The following UACA variants were observed in gnomAD, a reference collection of about 807,000 sequenced individuals.
UACA encodes the protein nuclear membrane binding protein.
In UACA, 112 loss-of-function variants were observed where a neutral mutation model predicts 160.5. That is an observed-to-expected ratio of 0.70 (90% CI 0.60 to 0.82). UACA has a LOEUF of 0.82. Among genes scored for constraint, UACA ranks in the 40% least tolerant of loss-of-function variants. UACA has a pLI of 0.00. For missense variants in UACA, 1,574 were observed against 1,614.6 expected, an observed-to-expected ratio of 0.97 and a Z score of 0.43; for synonymous variants, 557 against 568.4, an observed-to-expected ratio of 0.98 and a Z score of 0.29.
chr15:70,697,743 T>C (rs112473228), intron 2 of UACA, among the ~76,000 whole-genome samples: 1 of 152,222 alleles, frequency 6.6e-6, no homozygotes, highest in Non-Finnish European at 1.5e-5. Context: ...CTTTATTCTA[T>C]GAATCCTAGA....
At chr15:70,671,702 T>C (rs1326231037) in intron 14 of UACA, 1 of 264,666 alleles carries the variant, frequency 3.8e-6, no homozygotes, top group Admixed American at 5.3e-5. Context: ...TGTCTACTAA[T>C]CAACAAGGCA....
chr15:70,659,395 G>GTTTTTTGTTTTTTTTTTTTTTTTTTT (rs1896607591), intron 18 of UACA, among the ~76,000 whole-genome samples: 1 of 18,818 alleles, frequency 5.3e-5, no homozygotes, highest in Non-Finnish European at 9.6e-5. Context: ...TTTTTTGTTT[G>GTTTTTTGTTTTTTTTTTTTTTTTTTT]TTTTTTTTTT....
intron 1 of UACA, among the ~76,000 whole-genome samples, chr15:70,704,366 C>CAG (rs1203504120): frequency 6.6e-6 from 1 of 152,178 alleles, no homozygotes; most frequent in African/African-American, 2.4e-5. Context: ...ATGAGTGGTT[C>CAG]AGCTGATTGC....
intron 1 of UACA, among the ~76,000 whole-genome samples, chr15:70,747,405 T>C (rs1899744230): frequency 6.6e-6 from 1 of 152,134 alleles, no homozygotes; most frequent in South Asian, 2.1e-4. Context: ...GGTCTTGCTC[T>C]ATCGCCCAGG....
chr15:70,671,953 T>G lies in UACA; in HGVS notation c.1168+12A>C, dbSNP rs781352755. 5 of 1,594,170 alleles carry G rather than the reference T, an allele frequency of 3.1e-6. No individual in the cohort carries two copies. The Admixed American group carries it at 5.2e-5, about 16-fold the overall frequency. Reference sequence around the variant, plus strand: ...GGTGAACTGTAATGATAATCCATACTTTTATACTTACGGTTACTGAAATGA... The same window carrying G: ...GGTGAACTGTAATGATAATCCATACGTTTATACTTACGGTTACTGAAATGA... On this transcript the variant is annotated intron_variant, in intron 14 of 18. Coordinates refer to ENST00000322954, the MANE Select transcript of UACA (RefSeq NM_018003.4).
At chr15:70,674,758 C>T (rs1897256106) in intron 13 of UACA, among the ~76,000 whole-genome samples, 1 of 152,122 alleles carries the variant, frequency 6.6e-6, no homozygotes, top group Admixed American at 6.6e-5. Context: ...CCACCACGCC[C>T]TGCTAATTTT....
In UACA at chr15:70,756,040, T is replaced by A. The variant is rs1483887197; in HGVS notation, c.78+7290A>T. ...TGTTAACATGCCATATTCATTTATT[T>A]TTTATATCTAGCTCTTAAAATTCTT... On this transcript the variant is annotated intron_variant, in intron 1 of 18. Coordinates refer to ENST00000322954, the MANE Select transcript of UACA (RefSeq NM_018003.4). Among the ~76,000 whole-genome samples, 2 of 152,368 alleles carry A rather than the reference T, an allele frequency of 1.3e-5. 1 individual carries two copies. The highest frequency in any genetic ancestry group is 1.3e-4 in the Admixed American group (2 of 15,306).
rs1566977576 is a variant in UACA, at chr15:70,690,548, T to A, written c.367-37A>T. The A allele has an allele frequency of 1.9e-6, 3 of 1,542,454 alleles. No individual in the cohort carries two copies. The East Asian group carries it at 6.8e-5, about 35-fold the overall frequency. On this transcript the variant is annotated intron_variant, in intron 4 of 18. Coordinates refer to ENST00000322954, the MANE Select transcript of UACA (RefSeq NM_018003.4). ...AAGAAAACTTAGTAAAGTAGGAGAG[T>A]TTTATTTTAAAATTAGATATCCAGA...
Position 70,666,998 on chromosome 15 carries a change from T to C in UACA, c.3686A>G (p.Tyr1229Cys), listed in dbSNP as rs1168032217. Residue 1229 changes from tyrosine to cysteine, a missense_variant, in exon 16 of 19, where the codon TAT (tyrosine) becomes TGT (cysteine). Transcript: ENST00000322954. The part of the protein sequence containing the change: ...ETREVVDLSK[Y>C]KATKSDLETQ... ...CTCCAAATCACTTTTTGTTGCTTTA[T>C]ATTTAGACAAGTCAACTACCTCTCT... 2 of 1,613,242 alleles carry C rather than the reference T, an allele frequency of 1.2e-6. No individual in the cohort carries two copies. Among genetic ancestry groups the C allele is most frequent in the Non-Finnish European group, 8.5e-7 (1 of 1,179,856 alleles).
intron 1 of UACA, among the ~76,000 whole-genome samples, chr15:70,747,874 T>G (rs1240052141): frequency 6.6e-6 from 1 of 152,138 alleles, no homozygotes; most frequent in Non-Finnish European, 1.5e-5. Flanking sequence ...ATAGAATAAT[T>G]TATGTCCCAG....
At chr15:70,755,024 C>T (rs1220540266) in intron 1 of UACA, among the ~76,000 whole-genome samples, 1 of 152,090 alleles carries the variant, frequency 6.6e-6, no homozygotes, top group Non-Finnish European at 1.5e-5. Flanking sequence ...GTGGAAATTT[C>T]AATAATATGC....
At chr15:70,765,545 G>A (rs543593707), upstream of UACA, among the ~76,000 whole-genome samples, 1 of 152,142 alleles carries the variant, frequency 6.6e-6, no homozygotes, top group African/African-American at 2.4e-5. Context: ...CATATGAGCT[G>A]AGCAAACCTT....
At chr15:70,666,701 C>A in intron 16 of UACA, 23 bp downstream of exon 16, 2 of 1,547,462 alleles carry the variant, frequency 1.3e-6, no homozygotes. Flanking sequence ...AACACATAGC[C>A]GTGCAGACTA....
At chr15:70,676,817 A>T (rs1258744097) in intron 12 of UACA, among the ~76,000 whole-genome samples, 1 of 152,232 alleles carries the variant, frequency 6.6e-6, no homozygotes, top group Non-Finnish European at 1.5e-5. Context: ...CTCTGTTTTC[A>T]ATCTTAATGT....
At chr15:70,743,465 A>G (rs529744545) in intron 1 of UACA, among the ~76,000 whole-genome samples, 19 of 152,262 alleles carry the variant, frequency 1.2e-4, no homozygotes, top group African/African-American at 4.6e-4. Flanking sequence ...CTGGATGTGT[A>G]TTTTTCACTG....
intron 13 of UACA, among the ~76,000 whole-genome samples, chr15:70,674,084 A>AC (rs1360540003): frequency 8.5e-5 from 13 of 152,134 alleles, no homozygotes; most frequent in Non-Finnish European, 1.8e-4. Context: ...CTGGTCTCGA[A>AC]CAACTGAGCT....
intron 1 of UACA, among the ~76,000 whole-genome samples, chr15:70,742,668 A>T (rs1273174008): frequency 1.3e-5 from 2 of 152,206 alleles, no homozygotes; most frequent in East Asian, 3.8e-4. Flanking sequence ...TAACTCCATA[A>T]CTATGATCTT....
chr15:70,703,174 T>C, intron 1 of UACA: 1 of 1,289,044 alleles, frequency 7.8e-7, no homozygotes, highest in Middle Eastern at 2.1e-4. Context: ...GGTTTTTTTG[T>C]GGTGGCTGTT....
In UACA at chr15:70,714,611, TG is replaced by T. The variant is rs1238200437; in HGVS notation, c.79-14952del. Among the ~76,000 whole-genome samples, 6 of 152,234 alleles carry T rather than the reference TG, an allele frequency of 3.9e-5. No individual in the cohort carries two copies. In the East Asian group the frequency reaches 9.7e-4, roughly 25 times the overall value. Reference sequence around the variant, plus strand: ...AAAATATAAAGGACAAAAAAGATGATGATGTTTTAAATAATAAATCTAACCT... The same window carrying T: ...AAAATATAAAGGACAAAAAAGATGATATGTTTTAAATAATAAATCTAACCT... On this transcript the variant is annotated intron_variant, in intron 1 of 18. Coordinates refer to ENST00000322954, the MANE Select transcript of UACA (RefSeq NM_018003.4).
Sources: allele counts gnomAD v4.1 joint callset (sites outside exome capture counted in the v4.1 genomes callset), GRCh38; gene constraint gnomAD v4.1.1; transcripts MANE v1.5; gene names NCBI Gene and HGNC (gene_info 2026-07-23, HGNC 2026-07-21).